Variants in ANKFN1 observed in about 807,000 individuals in gnomAD.
The protein encoded by ANKFN1 is ankyrin repeat and fibronectin type-III domain-containing protein 1.
Under a neutral mutation model 108.7 loss-of-function variants are expected in ANKFN1, and 74 were observed. The observed-to-expected ratio is 0.68, with a 90% confidence interval of 0.56 to 0.83. The LOEUF (loss-of-function observed/expected upper bound fraction) is 0.83. Among genes scored for constraint, ANKFN1 ranks in the 40% least tolerant of loss-of-function variants. The probability of loss-of-function intolerance (pLI) is 0.00; values close to 1 mark genes in which losing one functional copy is unlikely to be tolerated. For missense variants in ANKFN1, 1,505 were observed against 1,382.3 expected, an observed-to-expected ratio of 1.09 and a Z score of -1.41; for synonymous variants, 547 against 516.2, an observed-to-expected ratio of 1.06 and a Z score of -0.81.
At chr17:56,454,801 G>T (rs2049629884) in intron 11 of ANKFN1, among the ~76,000 whole-genome samples, 1 of 152,096 alleles carries the variant, frequency 6.6e-6, no homozygotes, top group African/African-American at 2.4e-5. Flanking sequence ...GCCCATTTGG[G>T]GTACACTGCC....
At chr17:56,196,211 G>T (rs1409623085) in intron 1 of ANKFN1, among the ~76,000 whole-genome samples, 1 of 152,144 alleles carries the variant, frequency 6.6e-6, no homozygotes, top group Non-Finnish European at 1.5e-5. Context: ...ATCCATGATT[G>T]CACCACTGTG....
At chr17:56,091,635 T>C (rs1018562248) in intron 4 of ANKFN1, among the ~76,000 whole-genome samples, 6 of 151,480 alleles carry the variant, frequency 4.0e-5, no homozygotes, top group African/African-American at 1.2e-4. Context: ...TTCAAAGCAT[T>C]GACTTCCTTA....
At chr17:56,386,579 AGTT>A (rs1478785858) in intron 8 of ANKFN1, among the ~76,000 whole-genome samples, 4 of 95,400 alleles carry the variant, frequency 4.2e-5, no homozygotes, top group Non-Finnish European at 6.1e-5. Context: ...GCATCTCATG[AGTT>A]TTTTTTTTTT....
intron 15 of ANKFN1, 111 bp from the exon 16 acceptor site, chr17:56,477,377 G>A (rs1598686599): frequency 1.8e-6 from 2 of 1,091,984 alleles, no homozygotes; most frequent in South Asian, 4.0e-5. Flanking sequence ...TAATTACTTA[G>A]TGACAGCTCC....
At chr17:56,191,801 C>A (rs1453170749) in intron 1 of ANKFN1, among the ~76,000 whole-genome samples, 1 of 148,518 alleles carries the variant, frequency 6.7e-6, no homozygotes, top group African/African-American at 2.5e-5. Context: ...TAATATCCTG[C>A]AGAGTGTTTT....
chr17:56,051,583 A>G (rs1279693596), intron 4 of ANKFN1, among the ~76,000 whole-genome samples: 2 of 143,228 alleles, frequency 1.4e-5, no homozygotes, highest in Non-Finnish European at 3.1e-5. Context: ...ATTAGGCAGG[A>G]GAAGGAAATA....
chr17:56,165,407 A>G (rs1873158801), intron 1 of ANKFN1, among the ~76,000 whole-genome samples: 2 of 152,198 alleles, frequency 1.3e-5, no homozygotes, highest in Admixed American at 1.3e-4. Context: ...GATTTTATTT[A>G]AATGAGATAG....
At chr17:56,332,751 A>G (rs1567920721) in intron 4 of ANKFN1, among the ~76,000 whole-genome samples, 1 of 152,122 alleles carries the variant, frequency 6.6e-6, no homozygotes, top group Non-Finnish European at 1.5e-5. Context: ...GAAATCACAT[A>G]GTGTAAGTCT....
chr17:56,314,023 G>C (rs1376316152), intron 3 of ANKFN1, among the ~76,000 whole-genome samples: 1 of 152,324 alleles, frequency 6.6e-6, no homozygotes, highest in South Asian at 2.1e-4. Flanking sequence ...GAATGTAATT[G>C]TGTAGTAAGT....
intron 8 of ANKFN1, among the ~76,000 whole-genome samples, chr17:56,434,422 A>G (rs1360106565): frequency 6.6e-6 from 1 of 151,998 alleles, no homozygotes; most frequent in Non-Finnish European, 1.5e-5. Flanking sequence ...ATGATGATGA[A>G]AAAGCCTTTT....
At chr17:56,323,313 A>G (rs1311062189) in intron 3 of ANKFN1, 2 of 152,558 alleles carry the variant, frequency 1.3e-5, no homozygotes, top group Non-Finnish European at 2.9e-5. Flanking sequence ...GGTCTGGCTA[A>G]TCTCACTTAT....
chr17:56,129,632 G>A (rs2143337953), intron 4 of ANKFN1, among the ~76,000 whole-genome samples: 2 of 152,266 alleles, frequency 1.3e-5, no homozygotes, highest in African/African-American at 4.8e-5. Context: ...CATATAGGGT[G>A]ATTTTAAAGT....
chr17:56,060,136 G>A (rs1379345098), intron 4 of ANKFN1, among the ~76,000 whole-genome samples: 4 of 152,114 alleles, frequency 2.6e-5, no homozygotes, highest in African/African-American at 4.8e-5. Context: ...TCCTTGAAGA[G>A]GTCCTTCACA....
intron 15 of ANKFN1, among the ~76,000 whole-genome samples, chr17:56,474,889 C>G (rs1243985351): frequency 6.6e-6 from 1 of 152,124 alleles, no homozygotes; most frequent in Non-Finnish European, 1.5e-5. Context: ...ATAATAATTG[C>G]TTCTTGATCA....
At chr17:56,067,296 C>T (rs1181511820) in intron 4 of ANKFN1, among the ~76,000 whole-genome samples, 1 of 152,194 alleles carries the variant, frequency 6.6e-6, no homozygotes, top group South Asian at 2.1e-4. Flanking sequence ...ACTGCTTCCA[C>T]CTCTTTTTCC....
Position 56,510,737 on chromosome 17 carries a change from T to C in ANKFN1, c.2909T>C (p.Leu970Pro). 1 of 1,536,008 alleles carries C rather than the reference T, an allele frequency of 6.5e-7. No individual in the cohort carries two copies. The highest frequency in any genetic ancestry group is 1.2e-5 in the South Asian group (1 of 84,052). The change falls in exon 21 of 21, where the codon CTC (leucine) becomes CCC (proline). Residue 970 changes from leucine (L) to proline (P), a missense_variant. Physicochemically the swap from Leu to Pro is moderately conservative, Grantham distance 98. Coordinates refer to ENST00000682825, the MANE Select transcript of ANKFN1 (RefSeq NM_001370326.1). ...PNPDHSCAEF[L>P]HSLTLTGFTP... ...CCCGATCACTCATGTGCCGAGTTTC[T>C]CCATAGCCTGACCCTCACGGGGTTC...
At chr17:56,376,604 G>A (rs984671891) in intron 8 of ANKFN1, among the ~76,000 whole-genome samples, 3 of 152,104 alleles carry the variant, frequency 2.0e-5, no homozygotes, top group Admixed American at 6.6e-5. Flanking sequence ...ACTTTGATGA[G>A]TGAGCTATCA....
At chr17:56,293,082 A>G (rs2044407858) in intron 3 of ANKFN1, among the ~76,000 whole-genome samples, 1 of 152,334 alleles carries the variant, frequency 6.6e-6, no homozygotes, top group South Asian at 2.1e-4. Flanking sequence ...TTGAACCCCT[A>G]TAAATGGGCC....
chr17:56,110,355 A>C (rs1235283310), intron 4 of ANKFN1, among the ~76,000 whole-genome samples: 1 of 152,170 alleles, frequency 6.6e-6, no homozygotes, highest in East Asian at 1.9e-4. Context: ...CTGACTTCTC[A>C]GGCTAGATAT....
Sources: gnomAD v4.1 joint callset for allele counts (sites outside exome capture counted in the v4.1 genomes callset) on GRCh38, gnomAD v4.1.1 for gene constraint, MANE v1.5 for transcripts, NCBI Gene and HGNC (gene_info 2026-07-23, HGNC 2026-07-21) for gene names.